The following FILIP1L variants were observed in gnomAD, a reference collection of about 807,000 sequenced individuals.
FILIP1L encodes filamin A interacting protein 1 like.
In FILIP1L, 55 loss-of-function variants were observed where a neutral mutation model predicts 96.6. The ratio of observed to expected loss-of-function variants is 0.57; its 90% CI spans 0.46 to 0.71. The LOEUF is 0.71. Ranked by LOEUF, FILIP1L falls within the 30% of genes least tolerant of loss-of-function variation. The probability of loss-of-function intolerance (pLI) is 0.00; values close to 1 mark genes in which losing one functional copy is unlikely to be tolerated. For synonymous variants in FILIP1L, 467 were observed against 473.9 expected, an observed-to-expected ratio of 0.99 and a Z score of 0.19; for missense variants, 1,304 against 1,321.2, an observed-to-expected ratio of 0.99 and a Z score of 0.20.
chr3:99,910,213 T>C lies in FILIP1L; in HGVS notation c.605+14017A>G, dbSNP rs900394406. Among the ~76,000 whole-genome samples, 3 of 136,324 alleles carry C rather than the reference T, an allele frequency of 2.2e-5. 1 individual carries two copies. Among genetic ancestry groups the C allele is most frequent in the African/African-American group, 7.5e-5 (3 of 39,954 alleles). The allele number at this position is 136,324 out of a possible 152,430, so 89.4% of individuals were successfully genotyped here. A position where few individuals can be genotyped will look rare whatever the true frequency, so the allele number is the denominator to read the frequency against. ...AAAACCTGTATGGATTTCAAAGGCT[T>C]AGAGAGGATTAAAAGGCTATAAAAA... On this transcript the variant is annotated intron_variant, in intron 4 of 5. Coordinates refer to ENST00000477258, the MANE Select transcript of FILIP1L (RefSeq NM_001387850.1).
At chr3:99,852,638 G>A (rs553034287) in intron 4 of FILIP1L, among the ~76,000 whole-genome samples, 26 of 152,094 alleles carry the variant, frequency 1.7e-4, no homozygotes, top group African/African-American at 6.3e-4. Context: ...TAGAGACAGG[G>A]TTTCACCATG....
intron 1 of FILIP1L, among the ~76,000 whole-genome samples, chr3:100,037,964 GA>G (rs139844360): frequency 0.017 from 2,161 of 124,052 alleles, 82 homozygotes; most frequent in African/African-American, 0.045. Flanking sequence ...TTTGGGGGGG[GA>G]GGGAACAGAG....
intron 1 of FILIP1L, among the ~76,000 whole-genome samples, chr3:100,100,952 T>C (rs1464611044): frequency 6.6e-6 from 1 of 152,086 alleles, no homozygotes; most frequent in Non-Finnish European, 1.5e-5. Flanking sequence ...TAGTGGTCAG[T>C]TTTTTAGCCC....
chr3:99,925,810 G>A (rs1487156128), intron 3 of FILIP1L: 1 of 982,656 alleles, frequency 1.0e-6, no homozygotes, highest in African/African-American at 1.7e-5. Flanking sequence ...ACATGCCAGT[G>A]GCCAAAAGCA....
At chr3:99,923,108 T>C (rs890165464) in intron 4 of FILIP1L, among the ~76,000 whole-genome samples, 2 of 152,060 alleles carry the variant, frequency 1.3e-5, no homozygotes, top group African/African-American at 4.8e-5. Context: ...TTTTTTTAGC[T>C]TCCATTTTCA....
intron 1 of FILIP1L, among the ~76,000 whole-genome samples, chr3:100,104,442 A>G (rs543064176): frequency 3.2e-4 from 49 of 152,316 alleles, no homozygotes; most frequent in South Asian, 1.0e-3. Context: ...TACTCCAGAA[A>G]GATGTAGCAA....
intron 1 of FILIP1L, among the ~76,000 whole-genome samples, chr3:99,990,364 A>G (rs905662921): frequency 2.0e-5 from 3 of 152,278 alleles, no homozygotes; most frequent in South Asian, 2.1e-4. Flanking sequence ...GATCCGTTCA[A>G]TCTCTCTATT....
At chr3:99,938,882 A>G (rs938485588) in intron 1 of FILIP1L, among the ~76,000 whole-genome samples, 2 of 152,218 alleles carry the variant, frequency 1.3e-5, no homozygotes, top group Non-Finnish European at 2.9e-5. Context: ...ATTTGAAGAC[A>G]CTAAACTCAG....
At chr3:100,100,360 T>G (rs1280503616) in intron 1 of FILIP1L, among the ~76,000 whole-genome samples, 2 of 152,218 alleles carry the variant, frequency 1.3e-5, no homozygotes, top group Non-Finnish European at 2.9e-5. Context: ...GAATGTACCA[T>G]GTACTATACT....
At chr3:100,018,660 A>G (rs775706558) in intron 1 of FILIP1L, among the ~76,000 whole-genome samples, 2 of 151,878 alleles carry the variant, frequency 1.3e-5, no homozygotes, top group Non-Finnish European at 2.9e-5. Context: ...TTTTTTGGAT[A>G]TGATATCAAA....
intron 1 of FILIP1L, among the ~76,000 whole-genome samples, chr3:100,055,713 A>G (rs2065453328): frequency 6.6e-6 from 1 of 152,202 alleles, no homozygotes; most frequent in Non-Finnish European, 1.5e-5. Flanking sequence ...CATTCTTGAG[A>G]GGAGAGTAAT....
At chr3:99,946,706 C>T (rs981890781) in intron 1 of FILIP1L, among the ~76,000 whole-genome samples, 2 of 152,140 alleles carry the variant, frequency 1.3e-5, no homozygotes, top group African/African-American at 4.8e-5. Flanking sequence ...TGTAGTTTAA[C>T]GTGGTGGTGG....
At chr3:100,033,848 A>G (rs2065061879) in intron 1 of FILIP1L, among the ~76,000 whole-genome samples, 1 of 152,196 alleles carries the variant, frequency 6.6e-6, no homozygotes, top group Non-Finnish European at 1.5e-5. Context: ...CAGAGGAAAC[A>G]ATATTATTTT....
intron 1 of FILIP1L, among the ~76,000 whole-genome samples, chr3:100,054,490 T>TTGTTATGTTA (rs10668094): frequency 0.045 from 6,642 of 146,140 alleles, 172 homozygotes; most frequent in Admixed American, 0.065. Flanking sequence ...ATGTTATGTT[T>TTGTTATGTTA]TGTTATGTTA....
At chr3:99,932,989 A>G (rs192222026) in intron 1 of FILIP1L, among the ~76,000 whole-genome samples, 2 of 152,186 alleles carry the variant, frequency 1.3e-5, no homozygotes, top group Non-Finnish European at 2.9e-5. Flanking sequence ...AGCATTTTCC[A>G]TGTATTAGCT....
At position 99,830,619 on chromosome 3, in the gene FILIP1L, A is replaced by G. The variant is rs1389420010; in HGVS notation, c.3382-14T>C. On this transcript the variant is annotated splice_polypyrimidine_tract_variant and intron_variant, in intron 5 of 5. Transcript: ENST00000477258. ...TACCTCCTTGATCTTGAATTAAACAAGAGAACAAAAGGTAATTAATGGTAC... is the reference window on the plus strand; with the variant it reads ...TACCTCCTTGATCTTGAATTAAACAGGAGAACAAAAGGTAATTAATGGTAC... The G allele has an allele frequency of 8.8e-6, 4 of 456,490 alleles. No individual in the cohort carries two copies. The highest frequency in any genetic ancestry group is 3.3e-4 in the Middle Eastern group (1 of 3,076). 28.3% of individuals were successfully genotyped at this position (456,490 alleles called of 1,614,324 possible).
intron 3 of FILIP1L, among the ~76,000 whole-genome samples, chr3:99,924,914 G>A (rs758518248): frequency 8.0e-4 from 122 of 152,098 alleles, no homozygotes; most frequent in Non-Finnish European, 3.8e-4. Flanking sequence ...TCTCTTTATT[G>A]CCATCAAATT....
chr3:100,040,845 G>A (rs2065192736), intron 1 of FILIP1L: 1 of 152,188 alleles, frequency 6.6e-6, no homozygotes, highest in African/African-American at 2.4e-5. Flanking sequence ...GAGAAACTTT[G>A]TCAGTGGCTG....
At chr3:100,077,052 A>AT (rs1281543593) in intron 1 of FILIP1L, among the ~76,000 whole-genome samples, 3 of 152,344 alleles carry the variant, frequency 2.0e-5, no homozygotes, top group Admixed American at 1.3e-4. Flanking sequence ...GTACGCTTAC[A>AT]TAAGCTTGTT....
Sources: allele counts gnomAD v4.1 joint callset (sites outside exome capture counted in the v4.1 genomes callset), GRCh38; gene constraint gnomAD v4.1.1; transcripts MANE v1.5; gene names NCBI Gene and HGNC (gene_info 2026-07-23, HGNC 2026-07-21).